SEC63: variants seen among roughly 807,000 people sequenced by gnomAD.
The protein encoded by SEC63 is translocation protein SEC63 homolog.
A neutral mutation model predicts 116.2 loss-of-function variants in SEC63; 56 were observed. The observed-to-expected ratio is 0.48, with a 90% CI of 0.39 to 0.60. The LOEUF is 0.60. Ranked by LOEUF, SEC63 falls within the 20% of genes least tolerant of loss-of-function variation. The pLI is 0.00. For missense variants in SEC63, 668 were observed against 900.0 expected (o/e 0.74, Z 3.30); for synonymous variants, 273 against 294.6 (o/e 0.93, Z 0.75).
intron 14 of SEC63, among the ~76,000 whole-genome samples, chr6:107,895,744 CAGGCATGGTGGCTCATGCCTGTAA>C (rs1786798384): frequency 6.6e-6 from 1 of 151,560 alleles, no homozygotes; most frequent in Non-Finnish European, 1.5e-5. Context: ...AACTGAAAGC[CAGGCATGGTGGCTCATGCCTGTAA>C]TCCCAGCACT....
At chr6:107,939,604 T>C (rs1246418546) in intron 1 of SEC63, among the ~76,000 whole-genome samples, 3 of 151,882 alleles carry the variant, frequency 2.0e-5, no homozygotes, top group Non-Finnish European at 4.4e-5. Flanking sequence ...ATACAAAAAT[T>C]AGACAGGTGT....
At chr6:107,917,637 A>G (rs1787440040) in intron 4 of SEC63, among the ~76,000 whole-genome samples, 1 of 152,232 alleles carries the variant, frequency 6.6e-6, no homozygotes, top group Non-Finnish European at 1.5e-5. Flanking sequence ...CACACAAATA[A>G]TAAGAAAGTG....
At chr6:107,881,295 T>A in intron 17 of SEC63, 45 bp from the exon 18 acceptor site, 1 of 1,303,450 alleles carries the variant, frequency 7.7e-7, no homozygotes, top group Non-Finnish European at 1.1e-6. Flanking sequence ...AGTATGTGTT[T>A]TATCACTTTA....
intron 18 of SEC63, among the ~76,000 whole-genome samples, chr6:107,879,511 G>A (rs928648131): frequency 9.2e-5 from 14 of 152,134 alleles, no homozygotes; most frequent in Non-Finnish European, 1.5e-4. Flanking sequence ...TTTTAGTAGA[G>A]ACGGGGTTTT....
intron 1 of SEC63, among the ~76,000 whole-genome samples, chr6:107,934,359 C>A (rs1458558056): frequency 2.6e-5 from 4 of 151,048 alleles, no homozygotes; most frequent in Non-Finnish European, 4.4e-5. Flanking sequence ...AAGTGAGGAG[C>A]GTCTCTGCCC....
chr6:107,900,587 G>A (rs1195459055), intron 13 of SEC63, among the ~76,000 whole-genome samples: 3 of 152,102 alleles, frequency 2.0e-5, no homozygotes, highest in Non-Finnish European at 2.9e-5. Context: ...GGCAGAGGAC[G>A]CAGTGAGCCA....
chr6:107,886,174 G>T (rs1322890700), intron 16 of SEC63, among the ~76,000 whole-genome samples: 1 of 152,092 alleles, frequency 6.6e-6, no homozygotes, highest in African/African-American at 2.4e-5. Context: ...CCATGTCCCT[G>T]CAAAGGACAT....
rs1269802227 is a variant in SEC63 at position 107,871,366 on chromosome 6, CTG to C, written c.*336_*337del. On this transcript the variant is annotated 3_prime_UTR_variant, in exon 21 of 21. Coordinates refer to ENST00000369002, the MANE Select transcript of SEC63 (RefSeq NM_007214.5). ...CAAAGAAAAGTCGCTCATTTACAGA[CTG>C]TGTTTCCTGCATCTTTACTTTTACT... 1.9e-5 allele frequency: 5 copies of C among 260,834 alleles called. No homozygotes were observed. Among genetic ancestry groups the C allele is most frequent in the Non-Finnish European group, 3.8e-5 (5 of 133,266 alleles). 16.2% of individuals were successfully genotyped at this position (260,834 alleles called of 1,614,324 possible).
rs774057133 is a variant in SEC63, at chr6:107,904,615, T to C, written c.1054+14A>G. The C allele has an allele frequency of 1.0e-5, 16 of 1,573,964 alleles. No homozygotes were observed. Among genetic ancestry groups the C allele is most frequent in the Non-Finnish European group, 8.7e-7 (1 of 1,143,632 alleles). On this transcript the variant is annotated intron_variant, in intron 11 of 20. Transcript: ENST00000369002. ...AGAAAAAGTATAACATAATTAACTA[T>C]ATTTCCTCCTCACCTTCACGGTTCC...
At chr6:107,945,382 C>A (rs1770461326) in intron 1 of SEC63, among the ~76,000 whole-genome samples, 2 of 150,810 alleles carry the variant, frequency 1.3e-5, no homozygotes, top group African/African-American at 4.9e-5. Context: ...TCTTGGCTCA[C>A]TGCAACCTCC....
In SEC63 at chr6:107,901,519, T is replaced by C; in HGVS notation, c.1210-2A>G. 2 of 1,537,002 alleles carry C rather than the reference T, an allele frequency of 1.3e-6. No individual in the cohort carries two copies. Among genetic ancestry groups the C allele is most frequent in the Non-Finnish European group, 1.8e-6 (2 of 1,125,926 alleles). On this transcript the variant is annotated splice_acceptor_variant, in intron 12 of 20. Transcript: ENST00000369002. LOFTEE classifies it high-confidence loss of function. ...ATCCTGGATAGTTTTAATTTTATACTGAATAAAAAAAAAAAAGAAAATACA... is the reference window on the plus strand; with the variant it reads ...ATCCTGGATAGTTTTAATTTTATACCGAATAAAAAAAAAAAAGAAAATACA...
intron 14 of SEC63, among the ~76,000 whole-genome samples, chr6:107,894,267 T>G (rs992623952): frequency 6.6e-6 from 1 of 152,340 alleles, no homozygotes; most frequent in Admixed American, 6.5e-5. Context: ...CTTGACAATA[T>G]GTCAGTGTGA....
intron 4 of SEC63, among the ~76,000 whole-genome samples, chr6:107,920,161 C>A (rs950206448): frequency 7.9e-5 from 12 of 152,076 alleles, no homozygotes; most frequent in African/African-American, 2.7e-4. Context: ...CAGTGGCTCA[C>A]TCCTGTAATC....
intron 3 of SEC63, among the ~76,000 whole-genome samples, chr6:107,924,316 C>T (rs975955681): frequency 2.0e-5 from 3 of 149,702 alleles, no homozygotes; most frequent in Admixed American, 1.3e-4. Context: ...CGGTGGCTCA[C>T]GCCTGTAATC....
chr6:107,887,699 GTAAC>G (rs35909697), intron 16 of SEC63, among the ~76,000 whole-genome samples: 13,811 of 152,170 alleles, frequency 0.091, 696 homozygotes, highest in Non-Finnish European at 0.11. Flanking sequence ...GTATACATAT[GTAAC>G]TAACCCGCAC....
At chr6:107,932,509 T>C (rs1787834274) in intron 1 of SEC63, among the ~76,000 whole-genome samples, 1 of 152,056 alleles carries the variant, frequency 6.6e-6, no homozygotes, top group Non-Finnish European at 1.5e-5. Flanking sequence ...GGGGAGAGTA[T>C]GGTAGCAGAA....
chr6:107,875,908 T>C (rs1786252677), intron 19 of SEC63, among the ~76,000 whole-genome samples: 1 of 152,200 alleles, frequency 6.6e-6, no homozygotes, highest in African/African-American at 2.4e-5. Context: ...TCGACCTCTA[T>C]AAATTTATTA....
intron 13 of SEC63, 117 bp from the exon 14 acceptor site, chr6:107,897,848 A>G: frequency 4.1e-6 from 3 of 731,096 alleles, no homozygotes; most frequent in Non-Finnish European, 4.9e-6. Flanking sequence ...CAAGCATATT[A>G]TATTTTAAAT....
chr6:107,912,218 G>C (rs1787297839), intron 6 of SEC63, among the ~76,000 whole-genome samples: 1 of 152,180 alleles, frequency 6.6e-6, no homozygotes, highest in Non-Finnish European at 1.5e-5. Context: ...TAGGGTTGCA[G>C]TGATTGAAGT....
Sources: allele counts gnomAD v4.1 joint callset (sites outside exome capture counted in the v4.1 genomes callset), GRCh38; gene constraint gnomAD v4.1.1; transcripts MANE v1.5; gene names NCBI Gene and HGNC (gene_info 2026-07-23, HGNC 2026-07-21).